RPS6KC1: variants seen among roughly 807,000 people sequenced by gnomAD.
RPS6KC1 encodes inactive ribosomal protein S6 kinase delta-1.
Under a neutral mutation model 103.8 loss-of-function variants are expected in RPS6KC1, and 54 were observed. The observed-to-expected ratio is 0.52, with a 90% CI of 0.42 to 0.65. The LOEUF is 0.65. RPS6KC1 is among the 30% of genes least tolerant of loss of function. RPS6KC1 has a pLI of 0.00. For missense variants in RPS6KC1, 1,151 were observed against 1,253.8 expected, an observed-to-expected ratio of 0.92 and a Z score of 1.24; for synonymous variants, 439 against 438.7, an observed-to-expected ratio of 1.00 and a Z score of -0.01.
the RPS6KC1 span, among the ~76,000 whole-genome samples, chr1:213,756,861 C>T: frequency 2.6e-5 from 4 of 152,024 alleles, no homozygotes; most frequent in Non-Finnish European, 5.9e-5. Flanking sequence ...CTGCCTGCCT[C>T]GGCCCCCCCA....
chr1:213,395,151 G>A, the RPS6KC1 span, among the ~76,000 whole-genome samples: 2 of 152,210 alleles, frequency 1.3e-5, no homozygotes, highest in African/African-American at 4.8e-5. Flanking sequence ...GTCCAGGGAG[G>A]ATGGTGGAGG....
chr1:213,093,224 TTAA>T (rs2081147258), intron 3 of RPS6KC1, among the ~76,000 whole-genome samples: 1 of 151,572 alleles, frequency 6.6e-6, no homozygotes, highest in African/African-American at 2.4e-5. Context: ...TTTTTTTTTT[TTAA>T]TGAGGCGGAG....
the RPS6KC1 span, among the ~76,000 whole-genome samples, chr1:213,605,521 C>T: frequency 6.6e-6 from 1 of 152,188 alleles, no homozygotes; most frequent in Non-Finnish European, 1.5e-5. Context: ...TTAAACGACC[C>T]CACTGAGCCC....
chr1:213,401,815 C>G, the RPS6KC1 span, among the ~76,000 whole-genome samples: 1 of 152,028 alleles, frequency 6.6e-6, no homozygotes, highest in Admixed American at 6.6e-5. Context: ...GAGACAGGGT[C>G]TCACTCTGCC....
At chr1:213,746,895 G>T in the RPS6KC1 span, among the ~76,000 whole-genome samples, 2 of 152,200 alleles carry the variant, frequency 1.3e-5, no homozygotes, top group African/African-American at 4.8e-5. Context: ...AAGATCTTGA[G>T]TTGAGTCTTA....
chr1:213,191,981 G>A (rs1170121671), intron 8 of RPS6KC1, among the ~76,000 whole-genome samples: 1 of 151,808 alleles, frequency 6.6e-6, no homozygotes, highest in Non-Finnish European at 1.5e-5. Context: ...GCTTATTTTT[G>A]TATTTTTGTA....
chr1:213,104,589 A>G lies in RPS6KC1; in HGVS notation c.378+20A>G. 1.5e-6 allele frequency: 2 copies of G among 1,301,872 alleles called. No individual in the cohort carries two copies. Among genetic ancestry groups the G allele is most frequent in the African/African-American group, 3.0e-5 (2 of 67,614 alleles). The allele number at this position is 1,301,872 out of a possible 1,614,324, so 80.6% of individuals were successfully genotyped here. A position where few individuals can be genotyped will look rare whatever the true frequency, so the allele number is the denominator to read the frequency against. On this transcript the variant is annotated intron_variant, in intron 4 of 14. Coordinates refer to ENST00000366960, the MANE Select transcript of RPS6KC1 (RefSeq NM_012424.6). ...TTCAAGGTTTGGTAGTCTTTCTGGA[A>G]TATTTTATATCTTATTAAATACTTT...
chr1:213,814,868 A>G, the RPS6KC1 span, among the ~76,000 whole-genome samples: 1 of 152,326 alleles, frequency 6.6e-6, no homozygotes, highest in South Asian at 2.1e-4. Flanking sequence ...TGCTGTGGAC[A>G]CAACTTTACC....
intron 6 of RPS6KC1, among the ~76,000 whole-genome samples, chr1:213,152,186 C>T (rs1436490207): frequency 7.3e-6 from 1 of 137,430 alleles, no homozygotes; most frequent in Non-Finnish European, 1.6e-5. Context: ...GGGGGGCTGA[C>T]CCCCCACCTC....
chr1:213,628,165 G>C, the RPS6KC1 span, among the ~76,000 whole-genome samples: 3 of 152,100 alleles, frequency 2.0e-5, no homozygotes, highest in East Asian at 1.9e-4. Flanking sequence ...TGTATGTGTC[G>C]AGGAATTTAT....
At chr1:213,297,801 G>T in the RPS6KC1 span, among the ~76,000 whole-genome samples, 11 of 152,080 alleles carry the variant, frequency 7.2e-5, no homozygotes, top group Non-Finnish European at 5.9e-5. Flanking sequence ...AAATATTTTT[G>T]TGGTAGGGAC....
At chr1:213,490,291 A>G in the RPS6KC1 span, among the ~76,000 whole-genome samples, 1 of 152,210 alleles carries the variant, frequency 6.6e-6, no homozygotes, top group Admixed American at 6.5e-5. Context: ...ACGGACGTTG[A>G]AAGCGGCTTA....
At chr1:213,702,736 GC>G in the RPS6KC1 span, among the ~76,000 whole-genome samples, 2 of 151,544 alleles carry the variant, frequency 1.3e-5, no homozygotes, top group Admixed American at 1.3e-4. Flanking sequence ...AGCTACTCCT[GC>G]TCTGTTTGAT....
At chr1:213,169,779 A>C (rs2091315636) in intron 7 of RPS6KC1, among the ~76,000 whole-genome samples, 1 of 150,260 alleles carries the variant, frequency 6.7e-6, no homozygotes, top group African/African-American at 2.5e-5. Flanking sequence ...TTAAATTTTT[A>C]AGTTTTTTTT....
chr1:213,223,966 C>T (rs1402569381), intron 8 of RPS6KC1, among the ~76,000 whole-genome samples: 1 of 152,150 alleles, frequency 6.6e-6, no homozygotes, highest in Non-Finnish European at 1.5e-5. Flanking sequence ...TCAGGGACTT[C>T]CAGACTTCCA....
chr1:213,372,603 T>C, the RPS6KC1 span, among the ~76,000 whole-genome samples: 6 of 152,228 alleles, frequency 3.9e-5, no homozygotes, highest in African/African-American at 1.4e-4. Flanking sequence ...TTAAAATAGT[T>C]TGGGAACTTC....
the RPS6KC1 span, among the ~76,000 whole-genome samples, chr1:213,324,429 C>T: frequency 6.6e-6 from 1 of 152,014 alleles, no homozygotes; most frequent in African/African-American, 2.4e-5. Flanking sequence ...GACATGATCT[C>T]AAGATGGAAA....
chr1:213,243,723 CA>C (rs2094404751), intron 12 of RPS6KC1, among the ~76,000 whole-genome samples: 1 of 152,206 alleles, frequency 6.6e-6, no homozygotes, highest in African/African-American at 2.4e-5. Context: ...AGAGTCACTT[CA>C]CCTGTTGCCC....
chr1:213,340,417 A>G, the RPS6KC1 span, among the ~76,000 whole-genome samples: 2 of 152,234 alleles, frequency 1.3e-5, no homozygotes, highest in African/African-American at 4.8e-5. Flanking sequence ...AGAGCATTTA[A>G]TAATGCACAT....
Sources: gnomAD v4.1 joint callset for allele counts (sites outside exome capture counted in the v4.1 genomes callset) on GRCh38, gnomAD v4.1.1 for gene constraint, MANE v1.5 for transcripts, NCBI Gene and HGNC (gene_info 2026-07-23, HGNC 2026-07-21) for gene names.